CDYL2: variants seen among roughly 807,000 people sequenced by gnomAD.
The protein encoded by CDYL2 is chromodomain Y-like protein 2.
CDYL2 carries 23 observed loss-of-function variants against 49.4 expected under a neutral mutation model. The observed-to-expected ratio is 0.47, with a 90% CI of 0.34 to 0.66. The LOEUF is 0.66. CDYL2 is among the 30% of genes least tolerant of loss of function. The probability of loss-of-function intolerance (pLI) is 0.01; values close to 1 mark genes in which losing one functional copy is unlikely to be tolerated. For synonymous variants in CDYL2, 360 were observed against 268.8 expected, an observed-to-expected ratio of 1.34 and a Z score of -3.32; for missense variants, 678 against 656.4, an observed-to-expected ratio of 1.03 and a Z score of -0.36.
chr16:80,644,170 G>A (rs181048026), intron 2 of CDYL2, among the ~76,000 whole-genome samples: 2 of 152,270 alleles, frequency 1.3e-5, no homozygotes, highest in Non-Finnish European at 2.9e-5. Flanking sequence ...AATCTCTAAG[G>A]CAGGGGCAAA....
At chr16:80,739,059 G>C (rs565511278) in intron 1 of CDYL2, among the ~76,000 whole-genome samples, 1 of 152,188 alleles carries the variant, frequency 6.6e-6, no homozygotes, top group Non-Finnish European at 1.5e-5. Context: ...ACACACAATG[G>C]AGTATAGTCA....
At chr16:80,631,941 G>C (rs1450778763) in intron 3 of CDYL2, among the ~76,000 whole-genome samples, 2 of 152,186 alleles carry the variant, frequency 1.3e-5, no homozygotes, top group Admixed American at 1.3e-4. Context: ...CTACTGGTCA[G>C]AACGTAAAAT....
chr16:80,622,811 T>A (rs1318270525), intron 3 of CDYL2, among the ~76,000 whole-genome samples: 1 of 152,182 alleles, frequency 6.6e-6, no homozygotes. Context: ...TAACTGTGTT[T>A]GCGCTCTTCA....
intron 2 of CDYL2, chr16:80,639,742 C>T (rs1382163984): frequency 6.6e-6 from 3 of 455,922 alleles, no homozygotes; most frequent in Admixed American, 2.3e-5. Context: ...GAATCACAAA[C>T]GCCACCTCTC....
At chr16:80,636,056 A>G (rs536371089) in intron 2 of CDYL2, among the ~76,000 whole-genome samples, 9 of 152,352 alleles carry the variant, frequency 5.9e-5, no homozygotes, top group African/African-American at 2.2e-4. Context: ...CTTATAGAAA[A>G]ATTAACTCAA....
chr16:80,735,551 T>C (rs1008957392), intron 1 of CDYL2, among the ~76,000 whole-genome samples: 1 of 152,194 alleles, frequency 6.6e-6, no homozygotes, highest in Non-Finnish European at 1.5e-5. Flanking sequence ...TGTTTGATAC[T>C]ATAAGGCTCC....
At chr16:80,712,850 A>G (rs1296614311) in intron 1 of CDYL2, among the ~76,000 whole-genome samples, 1 of 152,202 alleles carries the variant, frequency 6.6e-6, no homozygotes, top group Non-Finnish European at 1.5e-5. Flanking sequence ...TCTGAATTTT[A>G]TATCCCCTGG....
chr16:80,801,600 A>G (rs531149040), intron 1 of CDYL2, among the ~76,000 whole-genome samples: 1 of 152,380 alleles, frequency 6.6e-6, no homozygotes, highest in South Asian at 2.1e-4. Context: ...TTGAGTAGAG[A>G]TTGCGAGAAG....
intron 2 of CDYL2, among the ~76,000 whole-genome samples, chr16:80,652,198 A>C (rs1257763634): frequency 2.0e-5 from 3 of 152,174 alleles, no homozygotes; most frequent in Non-Finnish European, 4.4e-5. Context: ...AGGACCTAGG[A>C]AACTCTGGAG....
chr16:80,614,694 T>C (rs959767086), intron 4 of CDYL2, among the ~76,000 whole-genome samples: 1 of 151,940 alleles, frequency 6.6e-6, no homozygotes, highest in Admixed American at 6.6e-5. Context: ...TGAAACCCCA[T>C]CTCTACTAAA....
chr16:80,713,984 C>G (rs1035680194), intron 1 of CDYL2, among the ~76,000 whole-genome samples: 4 of 152,188 alleles, frequency 2.6e-5, no homozygotes, highest in Admixed American at 2.0e-4. Flanking sequence ...GCCTTCAGGT[C>G]TTCCCAGCAG....
At position 80,601,469 on chromosome 16, in the gene CDYL2, G is replaced by C. The variant is rs1271248380; in HGVS notation, c.*2919C>G. On this transcript the variant is annotated 3_prime_UTR_variant, in exon 7 of 7. Coordinates refer to ENST00000570137, the MANE Select transcript of CDYL2 (RefSeq NM_152342.4). ...CCCAGGCTCTTGGGAGTGACTTATGGGGGAAGGTACGGGAAAATGGTAGAG... is the reference window on the plus strand; with the variant it reads ...CCCAGGCTCTTGGGAGTGACTTATGCGGGAAGGTACGGGAAAATGGTAGAG... The C allele has an allele frequency of 6.6e-6, 1 of 152,174 alleles. No homozygotes were observed. Among genetic ancestry groups the C allele is most frequent in the Non-Finnish European group, 1.5e-5 (1 of 68,048 alleles). 9.4% of individuals were successfully genotyped at this position (152,174 alleles called of 1,614,324 possible).
chr16:80,645,350 A>G (rs1908290931), intron 2 of CDYL2, among the ~76,000 whole-genome samples: 2 of 145,846 alleles, frequency 1.4e-5, no homozygotes, highest in Non-Finnish European at 2.9e-5. Flanking sequence ...TTCTCAAAAG[A>G]AGACATTTAT....
chr16:80,799,767 A>C (rs1907870535), intron 1 of CDYL2, among the ~76,000 whole-genome samples: 1 of 152,238 alleles, frequency 6.6e-6, no homozygotes, highest in African/African-American at 2.4e-5. Context: ...AGAGGGAATA[A>C]TTTAAAATAA....
At chr16:80,757,999 G>T (rs529803627) in intron 1 of CDYL2, among the ~76,000 whole-genome samples, 5 of 151,992 alleles carry the variant, frequency 3.3e-5, no homozygotes, top group African/African-American at 1.2e-4. Context: ...TACAAGGAAG[G>T]CTTTACTATA....
rs1910106273 is a variant in CDYL2 at position 80,684,655 on chromosome 16, C to T, written c.499G>A (p.Glu167Lys). 1.2e-6 allele frequency: 2 copies of T among 1,614,088 alleles called. No individual in the cohort carries two copies. The highest frequency in any genetic ancestry group is 1.7e-6 in the Non-Finnish European group (2 of 1,180,044). ...ENGDAGSEKD[E>K]RHFGNGSHQP... Reference sequence around the variant, plus strand: ...TGGGACCCATTTCCAAAGTGCCTCTCATCCTTCTCAGAGCCGGCGTCCCCA... The same window carrying T: ...TGGGACCCATTTCCAAAGTGCCTCTTATCCTTCTCAGAGCCGGCGTCCCCA... The change falls in exon 2 of 7, where the codon GAG (glutamate) becomes AAG (lysine). Residue 167 changes from glutamate to lysine, a missense_variant. This residue lies in a region of CDYL2 where 478 missense variants were observed against 427.0 expected (regional missense o/e 1.12). Coordinates refer to ENST00000570137, the MANE Select transcript of CDYL2 (RefSeq NM_152342.4).
rs567425380 is a variant in CDYL2, at chr16:80,601,947, C to A, written c.*2441G>T. On this transcript the variant is annotated 3_prime_UTR_variant, in exon 7 of 7. Coordinates refer to ENST00000570137, the MANE Select transcript of CDYL2 (RefSeq NM_152342.4). The stretch of plus-strand genomic sequence containing the variant: ...CTGAAGCATTTCTAGTTCTTTCAAG[C>A]AGGGAATGAAGGTGGACACTGATCT... The A allele has an allele frequency of 6.6e-6, 1 of 152,156 alleles. No individual in the cohort carries two copies. Among genetic ancestry groups the A allele is most frequent in the Non-Finnish European group, 1.5e-5 (1 of 68,026 alleles). The allele number at this position is 152,156 out of a possible 1,614,324, so 9.4% of individuals were successfully genotyped here.
chr16:80,634,217 T>C (rs1038578254), intron 2 of CDYL2, among the ~76,000 whole-genome samples: 7 of 152,186 alleles, frequency 4.6e-5, no homozygotes, highest in African/African-American at 1.7e-4. Context: ...TGCGGCACTA[T>C]TCACAATAGC....
At chr16:80,617,523 G>T (rs1046717434) in intron 4 of CDYL2, among the ~76,000 whole-genome samples, 1 of 152,144 alleles carries the variant, frequency 6.6e-6, no homozygotes, top group Non-Finnish European at 1.5e-5. Flanking sequence ...TCCACAAAAC[G>T]TTCTGTGCAG....
Sources: gnomAD v4.1 joint callset for allele counts (sites outside exome capture counted in the v4.1 genomes callset) on GRCh38, gnomAD v4.1.1 for gene constraint, gnomAD v4.1.1 regional missense constraint, MANE v1.5 for transcripts, NCBI Gene and HGNC (gene_info 2026-07-23, HGNC 2026-07-21) for gene names.